The following ACE variants were observed in gnomAD, a reference collection of about 807,000 sequenced individuals.
ACE encodes the protein angiotensin I converting enzyme.
In ACE, 122 loss-of-function variants were observed where a neutral mutation model predicts 162.3. That is an observed-to-expected ratio of 0.75 (90% CI 0.65 to 0.87). The LOEUF (loss-of-function observed/expected upper bound fraction) is 0.87. Ranked by LOEUF, ACE falls within the 40% of genes least tolerant of loss-of-function variation. The probability of loss-of-function intolerance (pLI) is 0.00; values close to 1 mark genes in which losing one functional copy is unlikely to be tolerated. For missense variants in ACE, 1,799 were observed against 1,735.1 expected (o/e 1.04, Z -0.65); for synonymous variants, 796 against 720.6 (o/e 1.10, Z -1.68).
In ACE at chr17:63,490,982, C is replaced by T; in HGVS notation, c.2670C>T (p.Asn890=). The part of the protein sequence containing the change: ...LGNMWAQTWS[N]IYDLVVPFPS... ...ACATGTGGGCGCAGACCTGGTCCAACATCTATGACTTGGTGGTGCCCTTCC... is the reference window on the plus strand; with the variant it reads ...ACATGTGGGCGCAGACCTGGTCCAATATCTATGACTTGGTGGTGCCCTTCC... Residue 890 remains asparagine, a synonymous_variant, in exon 18 of 25, where the codon AAC becomes AAT. Transcript: ENST00000290866. 6.2e-7 allele frequency: 1 copy of T among 1,614,234 alleles called. No homozygotes were observed. The highest frequency in any genetic ancestry group is 8.5e-7 in the Non-Finnish European group (1 of 1,180,046).
Position 63,491,912 on chromosome 17 carries a change from C to A in ACE, c.2912+531C>A, listed in dbSNP as rs1224481688. The stretch of plus-strand genomic sequence containing the variant: ...TGATTTTATGTGCCAGGAATTCAGG[C>A]AGTACACAGTGGAAATGGCCTTTCT... On this transcript the variant is annotated intron_variant, in intron 19 of 24. Coordinates refer to ENST00000290866, the MANE Select transcript of ACE (RefSeq NM_000789.4). This position sits in a 1 kb window ranked among gnomAD's most constrained non-coding sequence, Gnocchi z 4.4. 6.6e-6 allele frequency among the ~76,000 whole-genome samples: 1 copy of A among 152,242 alleles called. No individual in the cohort carries two copies. Among genetic ancestry groups the A allele is most frequent in the East Asian group, 1.9e-4 (1 of 5,208 alleles).
chr17:63,483,568 C>CGGGCGG lies in ACE; in HGVS notation c.1586+10_1586+11insGGGCGG. On this transcript the variant is annotated intron_variant, in intron 10 of 24. Transcript: ENST00000290866. ...TGACACCATACATCAGGTATTAGCG[C>CGGGCGG]CCCCACCCCACCCACCCCCAGTACT... The CGGGCGG allele has an allele frequency of 6.3e-7, 1 of 1,585,842 alleles. No homozygotes were observed. The highest frequency in any genetic ancestry group is 8.6e-7 in the Non-Finnish European group (1 of 1,159,948).
In ACE at chr17:63,477,098, GGGGCCGCCTC is replaced by G. The variant is rs2049627183; in HGVS notation, c.13_22del (p.Ser5GlyfsTer137). The G allele has an allele frequency of 1.5e-6, 2 of 1,310,494 alleles. No individual in the cohort carries two copies. Among genetic ancestry groups the G allele is most frequent in the Non-Finnish European group, 9.6e-7 (1 of 1,037,892 alleles). The allele number at this position is 1,310,494 out of a possible 1,614,324, so 81.2% of individuals were successfully genotyped here. ...GCCGAGCACCGCGCACCGCGTCATGGGGGCCGCCTCGGGCCGCCGGGGGCCGGGGCTGCTG... is the reference window on the plus strand; with the variant it reads ...GCCGAGCACCGCGCACCGCGTCATGGGGGCCGCCGGGGGCCGGGGCTGCTG... On this transcript the variant is annotated frameshift_variant, in exon 1 of 25. Coordinates refer to ENST00000290866, the MANE Select transcript of ACE (RefSeq NM_000789.4). LOFTEE classifies it high-confidence loss of function.
At position 63,497,571 on chromosome 17, in the gene ACE, C is replaced by A; in HGVS notation, c.*205C>A. 1 of 702,736 alleles carries A rather than the reference C, an allele frequency of 1.4e-6. No homozygotes were observed. Among genetic ancestry groups the A allele is most frequent in the South Asian group, 1.5e-5 (1 of 66,722 alleles). 43.5% of individuals were successfully genotyped at this position (702,736 alleles called of 1,614,324 possible). A position where few individuals can be genotyped will look rare whatever the true frequency, so the allele number is the denominator to read the frequency against. The stretch of plus-strand genomic sequence containing the variant: ...CACACGGCTGCCTGACACTGAGCCC[C>A]ACCTCTCCAAGTCTCTCTGTGAATA... On this transcript the variant is annotated 3_prime_UTR_variant, in exon 25 of 25. Coordinates refer to ENST00000290866, the MANE Select transcript of ACE (RefSeq NM_000789.4).
intron 1 of ACE, 149 bp downstream of exon 1, chr17:63,477,492 C>G (rs891389285): frequency 1.1e-5 from 6 of 543,170 alleles, no homozygotes; most frequent in Non-Finnish European, 1.5e-5. Flanking sequence ...CCGCGGGGCC[C>G]GAGCGCCGGG....
intron 21 of ACE, 80 bp from the exon 22 acceptor site, chr17:63,494,292 A>C: frequency 7.2e-7 from 1 of 1,384,794 alleles, no homozygotes; most frequent in Non-Finnish European, 1.0e-6. Context: ...AAGTGCAGGG[A>C]CCCTCCCTCA....
Position 63,484,897 on chromosome 17 carries a change from T to TC in ACE, c.1922-336dup, listed in dbSNP as rs1156450082. ...GCCAGGGTTGGGCTACTGCAGGACT[T>TC]CCCAGCCTCCTCTTCCTGCTGCTCT... On this transcript the variant is annotated intron_variant, in intron 12 of 24. Coordinates refer to ENST00000290866, the MANE Select transcript of ACE (RefSeq NM_000789.4). The surrounding 1 kb of genome is among the most constrained non-coding windows in gnomAD (Gnocchi z 4.0). 3.8e-6 allele frequency: 6 copies of TC among 1,591,208 alleles called. No homozygotes were observed. The African/African-American group carries it at 6.7e-5, about 18-fold the overall frequency.
Position 63,489,009 on chromosome 17 carries a change from C to A in ACE, c.2518C>A (p.Arg840=), listed in dbSNP as rs3730036. 813 of 1,614,156 alleles carry A rather than the reference C, an allele frequency of 5.0e-4. 3 individuals carry two copies. The African/African-American group carries it at 9.8e-3, about 19-fold the overall frequency. The part of the protein sequence containing the change: ...ETPSLEQDLE[R]LFQELQPLYL... Reference sequence around the variant, plus strand: ...ACCATCCCTGGAGCAAGACCTGGAGCGGCTCTTCCAGGAGCTGCAGCCACT... The same window carrying A: ...ACCATCCCTGGAGCAAGACCTGGAGAGGCTCTTCCAGGAGCTGCAGCCACT... The change falls in exon 17 of 25, where the codon CGG becomes AGG. Residue 840 remains arginine (R), a synonymous_variant. Coordinates refer to ENST00000290866, the MANE Select transcript of ACE (RefSeq NM_000789.4).
In ACE at chr17:63,480,453, G is replaced by A. The variant is rs747960808; in HGVS notation, c.772G>A (p.Val258Ile). ...CCTCTACCTGAACCTCCATGCCTTC[G>A]TCCGCCGCGCACTGCATCGCCGATA... ...EPLYLNLHAF[V>I]RRALHRRYGD... The change falls in exon 5 of 25, where the codon GTC becomes ATC. Residue 258 changes from valine (V) to isoleucine (I), a missense_variant. By Grantham distance (29) the Val-to-Ile change is conservative. Coordinates refer to ENST00000290866, the MANE Select transcript of ACE (RefSeq NM_000789.4). 11 of 1,613,902 alleles carry A rather than the reference G, an allele frequency of 6.8e-6. No homozygotes were observed. The highest frequency in any genetic ancestry group is 2.7e-5 in the African/African-American group (2 of 74,896).
Position 63,486,841 on chromosome 17 carries a change from T to C in ACE, c.2217+126T>C, listed in dbSNP as rs3730031. ...TCAAGTCATGGCATCTGCCATGCGA[T>C]GTGCACCTCAGAACTGCTGAGAGGG... On this transcript the variant is annotated intron_variant, in intron 14 of 24. Coordinates refer to ENST00000290866, the MANE Select transcript of ACE (RefSeq NM_000789.4). The C allele has an allele frequency of 3.6e-5, 54 of 1,487,910 alleles. No individual in the cohort carries two copies. The African/African-American group carries it at 6.9e-4, about 19-fold the overall frequency. 92.2% of individuals were successfully genotyped at this position (1,487,910 alleles called of 1,614,324 possible).
At chr17:63,493,728 AAG>A (rs2030541922) in intron 20 of ACE, 69 bp downstream of exon 20, 1 of 1,570,316 alleles carries the variant, frequency 6.4e-7, no homozygotes, top group Non-Finnish European at 8.7e-7. Context: ...GGAGGTGGGA[AAG>A]GGGCACTTAG....
intron 22 of ACE, among the ~76,000 whole-genome samples, chr17:63,494,779 C>T (rs910436037): frequency 2.6e-5 from 4 of 152,204 alleles, no homozygotes; most frequent in African/African-American, 7.2e-5. Flanking sequence ...GGATCATGAG[C>T]TCTGCACTGT....
At chr17:63,490,640 TG>T (rs2030307199) in intron 17 of ACE, 1 of 419,204 alleles carries the variant, frequency 2.4e-6, no homozygotes, top group South Asian at 2.1e-5. Flanking sequence ...GTAGGTGTTC[TG>T]GGGACCTGTA....
At chr17:63,494,185 T>C (rs2030581184) in intron 21 of ACE, 119 bp downstream of exon 21, 2 of 1,401,554 alleles carry the variant, frequency 1.4e-6, no homozygotes, top group Non-Finnish European at 2.0e-6. Context: ...CTATTGTGTC[T>C]GTGCATATGA....
rs1245808974 is a variant in ACE, at chr17:63,477,131, CTGCTGCCGCTGCCGCTGCTGT to C, written c.44_64del (p.Pro15_Leu21del). 2 of 1,420,500 alleles carry C rather than the reference CTGCTGCCGCTGCCGCTGCTGT, an allele frequency of 1.4e-6. No homozygotes were observed. Among genetic ancestry groups the C allele is most frequent in the Non-Finnish European group, 1.8e-6 (2 of 1,086,660 alleles). The allele number at this position is 1,420,500 out of a possible 1,614,324, so 88.0% of individuals were successfully genotyped here. A position where few individuals can be genotyped will look rare whatever the true frequency, so the allele number is the denominator to read the frequency against. On this transcript the variant is annotated inframe_deletion, in exon 1 of 25. Coordinates refer to ENST00000290866, the MANE Select transcript of ACE (RefSeq NM_000789.4). ...CTCGGGCCGCCGGGGGCCGGGGCTG[CTGCTGCCGCTGCCGCTGCTGT>C]TGCTGCTGCCGCCGCAGCCCGCCCT...
rs775546287 is a variant in ACE, at chr17:63,490,967, G to A, written c.2655G>A (p.Ala885=). ...IPAHLLGNMW[A]QTWSNIYDLV... ...ACTCGCCTCCAGGGAACATGTGGGC[G>A]CAGACCTGGTCCAACATCTATGACT... Residue 885 remains alanine, a synonymous_variant, in exon 18 of 25, where the codon GCG becomes GCA. Coordinates refer to ENST00000290866, the MANE Select transcript of ACE (RefSeq NM_000789.4). 2.3e-5 allele frequency: 37 copies of A among 1,614,072 alleles called. No homozygotes were observed. Among genetic ancestry groups the A allele is most frequent in the East Asian group, 4.5e-5 (2 of 44,890 alleles).
chr17:63,485,611 A>G (rs1001586554), intron 13 of ACE: 5 of 495,044 alleles, frequency 1.0e-5, no homozygotes, highest in Non-Finnish European at 1.9e-5. Flanking sequence ...CCCCATCTCT[A>G]GTAAAAATAC....
In ACE at chr17:63,484,838, G is replaced by A. The variant is rs2029865030; in HGVS notation, c.1921+297G>A. 1.3e-6 allele frequency: 2 copies of A among 1,546,814 alleles called. No homozygotes were observed. Among genetic ancestry groups the A allele is most frequent in the Non-Finnish European group, 8.7e-7 (1 of 1,145,034 alleles). On this transcript the variant is annotated intron_variant, in intron 12 of 24. Transcript: ENST00000290866. The surrounding 1 kb of genome is among the most constrained non-coding windows in gnomAD (Gnocchi z 4.0). ...CTCCGCTCTTATTGGCCAGGGGACG[G>A]TAGCTGCAGGACTCTGCTCTCCTGC...
At chr17:63,496,632 C>T (rs1435688002) in intron 23 of ACE, 116 bp downstream of exon 23, 17 of 1,596,218 alleles carry the variant, frequency 1.1e-5, no homozygotes, top group Middle Eastern at 4.2e-4. Context: ...CCGGGAACTC[C>T]CACCTGCAGC....
Sources: allele counts gnomAD v4.1 joint callset (sites outside exome capture counted in the v4.1 genomes callset), GRCh38; gene constraint gnomAD v4.1.1; non-coding constraint Gnocchi (gnomAD v3.1); transcripts MANE v1.5; gene names NCBI Gene and HGNC (gene_info 2026-07-23, HGNC 2026-07-21).